The following KLHL29 variants were observed in gnomAD, a reference collection of about 807,000 sequenced individuals.
The protein encoded by KLHL29 is kelch like family member 29, also known as kelch-like protein 29.
In KLHL29, 21 loss-of-function variants were observed where a neutral mutation model predicts 80.4. The observed-to-expected ratio is 0.26, with a 90% CI of 0.19 to 0.38. KLHL29 has a LOEUF of 0.38. Ranked by LOEUF, KLHL29 falls within the 10% of genes least tolerant of loss-of-function variation. The pLI, the probability that KLHL29 is intolerant of heterozygous loss-of-function variation, is 1.00. For synonymous variants in KLHL29, 511 were observed against 526.8 expected, an observed-to-expected ratio of 0.97 and a Z score of 0.41; for missense variants, 867 against 1,223.9, an observed-to-expected ratio of 0.71 and a Z score of 4.35.
chr2:23,658,812 C>T (rs902388444), intron 5 of KLHL29, among the ~76,000 whole-genome samples: 4 of 152,210 alleles, frequency 2.6e-5, no homozygotes, highest in African/African-American at 4.8e-5. Context: ...TGCCTTGCGC[C>T]GCTCAAATTG....
intron 6 of KLHL29, chr2:23,690,196 T>A (rs1671495171): frequency 6.6e-6 from 1 of 152,388 alleles, no homozygotes; most frequent in African/African-American, 2.4e-5. Flanking sequence ...TGGTGGAATT[T>A]CAGGTACTGC....
At position 23,599,842 on chromosome 2, in the gene KLHL29, C is replaced by T. The variant is rs144024317; in HGVS notation, c.285+37361C>T. Among the ~76,000 whole-genome samples the T allele has an allele frequency of 9.5e-4, 144 of 152,338 alleles. No homozygotes were observed. In the South Asian group the frequency reaches 0.015, roughly 16 times the overall value. ...CCGCCCGACGCCACGTCCCTCCTCCCGTGCCTCTGTCCGCATGCTGGTTTA... is the reference window on the plus strand; with the variant it reads ...CCGCCCGACGCCACGTCCCTCCTCCTGTGCCTCTGTCCGCATGCTGGTTTA... On this transcript the variant is annotated intron_variant, in intron 3 of 13. Coordinates refer to ENST00000486442, the MANE Select transcript of KLHL29 (RefSeq NM_052920.2).
chr2:23,391,461 C>T (rs1480487527), intron 1 of KLHL29, among the ~76,000 whole-genome samples: 1 of 152,096 alleles, frequency 6.6e-6, no homozygotes, highest in African/African-American at 2.4e-5. Flanking sequence ...GGGTTTTGAT[C>T]TTGTTGCCCA....
rs976017037 is a variant in KLHL29 at position 23,707,692 on chromosome 2, G to C, written c.*1028G>C. ...TGAGGTCAAGCTGAGGACCAGGCCA[G>C]TGGGAAGGGAAGGAGGGAGAATTAG... On this transcript the variant is annotated 3_prime_UTR_variant, in exon 14 of 14. Coordinates refer to ENST00000486442, the MANE Select transcript of KLHL29 (RefSeq NM_052920.2). 4.6e-5 allele frequency: 7 copies of C among 152,356 alleles called. No individual in the cohort carries two copies. Among genetic ancestry groups the C allele is most frequent in the African/African-American group, 1.7e-4 (7 of 41,460 alleles). 9.4% of individuals were successfully genotyped at this position (152,356 alleles called of 1,614,324 possible). A position where few individuals can be genotyped will look rare whatever the true frequency, so the allele number is the denominator to read the frequency against.
intron 1 of KLHL29, among the ~76,000 whole-genome samples, chr2:23,400,816 A>C (rs945619248): frequency 6.6e-6 from 1 of 152,220 alleles, no homozygotes; most frequent in South Asian, 2.1e-4. Flanking sequence ...CCTGAGTGCT[A>C]TAGCAAGATC....
chr2:23,535,688 T>C (rs891377390), intron 2 of KLHL29, among the ~76,000 whole-genome samples: 5 of 152,222 alleles, frequency 3.3e-5, no homozygotes, highest in African/African-American at 1.2e-4. Flanking sequence ...AGTCCACTTA[T>C]ACGAGGTACC....
intron 2 of KLHL29, among the ~76,000 whole-genome samples, chr2:23,521,001 C>CT (rs987695244): frequency 2.0e-5 from 3 of 151,964 alleles, no homozygotes; most frequent in Non-Finnish European, 4.4e-5. Context: ...CACCCCCCCC[C>CT]CCGCTCCCCC....
chr2:23,693,187 G>T (rs2149207287), intron 7 of KLHL29, 82 bp from the exon 8 acceptor site: 2 of 1,453,878 alleles, frequency 1.4e-6, no homozygotes, highest in East Asian at 2.5e-5. Context: ...GTTCAGAGAA[G>T]GATCTAGGGT....
intron 3 of KLHL29, among the ~76,000 whole-genome samples, chr2:23,625,348 C>A (rs951607919): frequency 6.6e-6 from 1 of 152,152 alleles, no homozygotes; most frequent in African/African-American, 2.4e-5. Context: ...TTTCTGAACA[C>A]GAGAGTGGGC....
chr2:23,706,937 A>G lies in KLHL29; in HGVS notation c.*273A>G, dbSNP rs554972419. Reference sequence around the variant, plus strand: ...AGGGGCGCTCGCTCTGCCAGGTGCAATAGAGTTTCACGTATTTTTCAACTG... The same window carrying G: ...AGGGGCGCTCGCTCTGCCAGGTGCAGTAGAGTTTCACGTATTTTTCAACTG... On this transcript the variant is annotated 3_prime_UTR_variant, in exon 14 of 14. Transcript: ENST00000486442. 4.4e-5 allele frequency: 15 copies of G among 338,264 alleles called. No individual in the cohort carries two copies. The highest frequency in any genetic ancestry group is 8.0e-5 in the Non-Finnish European group (15 of 188,084). 21.0% of individuals were successfully genotyped at this position (338,264 alleles called of 1,614,324 possible).
chr2:23,465,772 C>T (rs1664334485), intron 1 of KLHL29, among the ~76,000 whole-genome samples: 1 of 152,190 alleles, frequency 6.6e-6, no homozygotes, highest in East Asian at 1.9e-4. Flanking sequence ...CCACCTTCCT[C>T]CAGGACCCCG....
chr2:23,599,452 A>G (rs142060441), intron 3 of KLHL29, among the ~76,000 whole-genome samples: 98 of 152,110 alleles, frequency 6.4e-4, no homozygotes, highest in Non-Finnish European at 1.1e-3. Flanking sequence ...GTAGTGAAAT[A>G]TCTTTGAATA....
intron 1 of KLHL29, among the ~76,000 whole-genome samples, chr2:23,475,285 G>T (rs1231330478): frequency 6.8e-6 from 1 of 146,884 alleles, no homozygotes; most frequent in African/African-American, 2.6e-5. Context: ...GATGGGCGGG[G>T]GATGCCTCAT....
At chr2:23,613,625 G>A (rs938404267) in intron 3 of KLHL29, among the ~76,000 whole-genome samples, 1 of 151,808 alleles carries the variant, frequency 6.6e-6, no homozygotes, top group Non-Finnish European at 1.5e-5. Context: ...TTAGCCGGGG[G>A]TGGTGGCACG....
chr2:23,563,776 G>A (rs1051120728), intron 3 of KLHL29, among the ~76,000 whole-genome samples: 3 of 152,314 alleles, frequency 2.0e-5, no homozygotes, highest in East Asian at 1.9e-4. Flanking sequence ...GGCTCGGAGC[G>A]CACTGACATC....
intron 6 of KLHL29, chr2:23,691,360 C>A: frequency 5.0e-6 from 2 of 399,682 alleles, no homozygotes; most frequent in Non-Finnish European, 9.3e-6. Flanking sequence ...TGGGCTGAAC[C>A]GTATTGTTTC....
chr2:23,481,039 C>T (rs190073024), intron 2 of KLHL29, among the ~76,000 whole-genome samples: 23 of 152,204 alleles, frequency 1.5e-4, no homozygotes, highest in Non-Finnish European at 4.4e-5. Context: ...TCCATGCTCT[C>T]GAAACGGTAA....
At chr2:23,489,498 G>T (rs575223145) in intron 2 of KLHL29, among the ~76,000 whole-genome samples, 44 of 152,242 alleles carry the variant, frequency 2.9e-4, no homozygotes, top group African/African-American at 1.1e-3. Flanking sequence ...GTCCCCAGCT[G>T]CCTCCGAAAG....
intron 3 of KLHL29, among the ~76,000 whole-genome samples, chr2:23,636,516 G>A (rs567087173): frequency 2.6e-5 from 4 of 151,950 alleles, no homozygotes; most frequent in Admixed American, 1.3e-4. Context: ...AGCCCACTTC[G>A]CCTGCTCACA....
Sources: allele counts gnomAD v4.1 joint callset (sites outside exome capture counted in the v4.1 genomes callset), GRCh38; gene constraint gnomAD v4.1.1; transcripts MANE v1.5; gene names NCBI Gene and HGNC (gene_info 2026-07-23, HGNC 2026-07-21).